Variants in DCK observed in about 807,000 individuals in gnomAD.
DCK encodes the protein deoxycytidine kinase.
Under a neutral mutation model 38.3 loss-of-function variants are expected in DCK, and 23 were observed. The observed-to-expected ratio is 0.60, with a 90% confidence interval of 0.43 to 0.85. The LOEUF is 0.85. DCK is among the 40% of genes least tolerant of loss of function. The pLI, the probability that DCK is intolerant of heterozygous loss-of-function variation, is 0.00. For synonymous variants in DCK, 108 were observed against 100.6 expected (o/e 1.07, Z -0.44); for missense variants, 259 against 304.4 (o/e 0.85, Z 1.11).
At chr4:71,006,080 C>T (rs1259449220) in intron 2 of DCK, among the ~76,000 whole-genome samples, 2 of 134,940 alleles carry the variant, frequency 1.5e-5, no homozygotes, top group Admixed American at 1.6e-4. Context: ...GAGCCGAGAT[C>T]GCGCCATTGC....
intron 6 of DCK, among the ~76,000 whole-genome samples, chr4:71,027,263 G>A (rs1311102338): frequency 6.6e-6 from 1 of 152,062 alleles, no homozygotes; most frequent in Admixed American, 6.5e-5. Context: ...GTTGGCCAAA[G>A]TCTTGAGATT....
chr4:71,023,519 T>C, intron 3 of DCK, 40 bp from the exon 4 acceptor site: 1 of 1,308,340 alleles, frequency 7.6e-7, no homozygotes, highest in Non-Finnish European at 1.0e-6. Context: ...TGTTGTTTTT[T>C]TTTGAAATGA....
At chr4:71,005,727 C>G (rs1399699691) in intron 2 of DCK, among the ~76,000 whole-genome samples, 1 of 151,878 alleles carries the variant, frequency 6.6e-6, no homozygotes, top group Non-Finnish European at 1.5e-5. Flanking sequence ...GGCCCAAACT[C>G]CTGACCTCAG....
chr4:71,021,326 C>T (rs1033146720), intron 2 of DCK, among the ~76,000 whole-genome samples: 2 of 152,044 alleles, frequency 1.3e-5, no homozygotes, highest in Non-Finnish European at 2.9e-5. Flanking sequence ...CCACCCGCCT[C>T]GGCCTCCCAA....
intron 2 of DCK, among the ~76,000 whole-genome samples, chr4:71,014,674 G>T (rs1273524323): frequency 6.6e-6 from 1 of 152,064 alleles, no homozygotes; most frequent in East Asian, 1.9e-4. Flanking sequence ...ATGACTACTG[G>T]GTACATAACG....
At chr4:71,016,519 C>A (rs1446351694) in intron 2 of DCK, among the ~76,000 whole-genome samples, 1 of 152,166 alleles carries the variant, frequency 6.6e-6, no homozygotes, top group Non-Finnish European at 1.5e-5. Flanking sequence ...CATCACGCTA[C>A]CTGACTTCAA....
At chr4:71,025,330 G>A (rs73827077) in intron 4 of DCK, among the ~76,000 whole-genome samples, 2,838 of 152,172 alleles carry the variant, frequency 0.019, 88 homozygotes, top group African/African-American at 0.063. Context: ...TGATAATGCA[G>A]ATATAGGACA....
intron 2 of DCK, among the ~76,000 whole-genome samples, chr4:70,998,926 A>G (rs1017854474): frequency 1.5e-5 from 2 of 137,384 alleles, no homozygotes; most frequent in Non-Finnish European, 1.5e-5. Context: ...CTGTCTCAAC[A>G]AAAAAAAAAA....
At chr4:71,000,108 C>A (rs1739767831) in intron 2 of DCK, among the ~76,000 whole-genome samples, 1 of 152,106 alleles carries the variant, frequency 6.6e-6, no homozygotes, top group Non-Finnish European at 1.5e-5. Flanking sequence ...ATGCCTATGT[C>A]CTGAATGGTA....
intron 2 of DCK, among the ~76,000 whole-genome samples, chr4:71,017,572 A>C (rs963623507): frequency 6.6e-6 from 1 of 152,162 alleles, no homozygotes; most frequent in Non-Finnish European, 1.5e-5. Context: ...AATGTGGCAC[A>C]TATACACCAT....
chr4:71,013,867 C>T (rs1182105551), intron 2 of DCK, among the ~76,000 whole-genome samples: 1 of 152,112 alleles, frequency 6.6e-6, no homozygotes, highest in East Asian at 1.9e-4. Context: ...AGCAAAATAA[C>T]CAGCTAACAT....
intron 2 of DCK, among the ~76,000 whole-genome samples, chr4:71,009,165 C>T (rs1249233732): frequency 6.6e-6 from 1 of 152,176 alleles, no homozygotes; most frequent in Non-Finnish European, 1.5e-5. Flanking sequence ...AATTTGTACA[C>T]ACAAGAAAGA....
At chr4:70,994,934 C>T (rs926453991) in intron 1 of DCK, among the ~76,000 whole-genome samples, 1 of 152,180 alleles carries the variant, frequency 6.6e-6, no homozygotes, top group Non-Finnish European at 1.5e-5. Flanking sequence ...CTGAAACTTC[C>T]TGTTTTGATA....
At chr4:71,018,666 A>ATT (rs11315015) in intron 2 of DCK, among the ~76,000 whole-genome samples, 3 of 83,310 alleles carry the variant, frequency 3.6e-5, no homozygotes, top group African/African-American at 1.3e-4. Context: ...TATTTTTTAG[A>ATT]TTTTTTTTTT....
At chr4:71,017,419 C>A (rs1018854660) in intron 2 of DCK, among the ~76,000 whole-genome samples, 1 of 152,056 alleles carries the variant, frequency 6.6e-6, no homozygotes, top group Admixed American at 6.5e-5. Context: ...CCCAGCCATC[C>A]CATTAGTGGG....
intron 2 of DCK, among the ~76,000 whole-genome samples, chr4:71,001,263 G>C (rs1446650162): frequency 1.3e-5 from 2 of 152,094 alleles, no homozygotes; most frequent in African/African-American, 2.4e-5. Context: ...TTTGTCATTG[G>C]TTCTGTTTAT....
At chr4:71,008,514 C>T (rs1168320162) in intron 2 of DCK, among the ~76,000 whole-genome samples, 1 of 152,192 alleles carries the variant, frequency 6.6e-6, no homozygotes, top group African/African-American at 2.4e-5. Context: ...GAAGTACCTA[C>T]TCAAGTTTGC....
At position 70,993,763 on chromosome 4, in the gene DCK, C is replaced by G; in HGVS notation, c.-73C>G. 9.5e-7 allele frequency: 1 copy of G among 1,049,044 alleles called. No individual in the cohort carries two copies. The highest frequency in any genetic ancestry group is 2.5e-5 in the East Asian group (1 of 39,550). 65.0% of individuals were successfully genotyped at this position (1,049,044 alleles called of 1,614,324 possible). ...ATCTGGCTTAGCGGCGCCGCGAGCT[C>G]CAGTGCGCGCACCCGTGGCCGCCTC... On this transcript the variant is annotated 5_prime_UTR_variant, in exon 1 of 7. Transcript: ENST00000286648.
rs533386522 is a variant in DCK, at chr4:71,027,456, A to C, written c.756+701A>C. Among the ~76,000 whole-genome samples the C allele has an allele frequency of 5.3e-5, 8 of 152,246 alleles. No individual in the cohort carries two copies. In the South Asian group the frequency reaches 1.7e-3, roughly 32 times the overall value. On this transcript the variant is annotated intron_variant, in intron 6 of 6. Coordinates refer to ENST00000286648, the MANE Select transcript of DCK (RefSeq NM_000788.3). ...GGAATGGGTGAGAATTTATTGATGA[A>C]TATTTGAGAGAGAATAGTAAGGGAA...
Sources: allele counts gnomAD v4.1 joint callset (sites outside exome capture counted in the v4.1 genomes callset), GRCh38; gene constraint gnomAD v4.1.1; transcripts MANE v1.5; gene names NCBI Gene and HGNC (gene_info 2026-07-23, HGNC 2026-07-21).